The following OPTC variants were observed in gnomAD, a reference collection of about 807,000 sequenced individuals.
OPTC encodes opticin.
A neutral mutation model predicts 25.4 loss-of-function variants in OPTC; 22 were observed. The observed-to-expected ratio is 0.87, with a 90% CI of 0.62 to 1.24. The LOEUF (loss-of-function observed/expected upper bound fraction) is 1.24, where lower values mean the gene tolerates loss of function less well. OPTC is among the 50% of genes most tolerant of loss of function. The pLI is 0.00. For missense variants in OPTC, 417 were observed against 425.2 expected, an observed-to-expected ratio of 0.98 and a Z score of 0.17; for synonymous variants, 169 against 179.3, an observed-to-expected ratio of 0.94 and a Z score of 0.46.
chr1:203,508,437 A>G (rs1661533497), intron 7 of OPTC, among the ~76,000 whole-genome samples: 1 of 152,102 alleles, frequency 6.6e-6, no homozygotes, highest in Non-Finnish European at 1.5e-5. Flanking sequence ...ACGGCCCCCC[A>G]TCTCTGCCGC....
At chr1:203,508,251 C>A (rs1273958292) in intron 7 of OPTC, among the ~76,000 whole-genome samples, 5 of 152,174 alleles carry the variant, frequency 3.3e-5, no homozygotes, top group Non-Finnish European at 7.3e-5. Flanking sequence ...CACGTCCCCC[C>A]AAAATGCTTT....
At chr1:203,499,356 G>T (rs1661336631) in intron 4 of OPTC, among the ~76,000 whole-genome samples, 1 of 152,118 alleles carries the variant, frequency 6.6e-6, no homozygotes, top group Admixed American at 6.5e-5. Flanking sequence ...TGGATCCAGG[G>T]ATTCCTGGGC....
intron 1 of OPTC, among the ~76,000 whole-genome samples, chr1:203,494,584 G>C (rs573926723): frequency 1.3e-5 from 2 of 152,270 alleles, no homozygotes; most frequent in East Asian, 3.9e-4. Flanking sequence ...AGGAGGTTAA[G>C]GCTTCAGTGA....
Position 203,503,573 on chromosome 1 carries a change from G to T in OPTC, c.852G>T (p.Gln284His). 6.2e-7 allele frequency: 1 copy of T among 1,613,680 alleles called. No individual in the cohort carries two copies. Among genetic ancestry groups the T allele is most frequent in the Non-Finnish European group, 8.5e-7 (1 of 1,180,032 alleles). The change falls in exon 7 of 8, where the codon CAG (glutamine) becomes CAT (histidine). Residue 284 changes from glutamine to histidine, a missense_variant. Gln to His is a conservative substitution (Grantham distance 24, BLOSUM62 0). Coordinates refer to ENST00000367222, the MANE Select transcript of OPTC (RefSeq NM_014359.4). ...HLQNNLIETM[Q>H]RDVFCDPEEH... ...AGAATAACCTGATAGAGACCATGCAGAGAGACGTCTTCTGTGACCCCGAGG... is the reference window on the plus strand; with the variant it reads ...AGAATAACCTGATAGAGACCATGCATAGAGACGTCTTCTGTGACCCCGAGG...
rs891761148 is a variant in OPTC at position 203,506,651 on chromosome 1, A to T, written c.*26-1995A>T. On this transcript the variant is annotated intron_variant, in intron 7 of 7. Coordinates refer to ENST00000367222, the MANE Select transcript of OPTC (RefSeq NM_014359.4). ...GACTCCTGGAGTTTGCCAGACCTAT[A>T]ATAGAAGCTTTTCTGTGCATCAACT... Among the ~76,000 whole-genome samples, 57 of 152,116 alleles carry T rather than the reference A, an allele frequency of 3.7e-4. 1 individual carries two copies. The highest frequency in any genetic ancestry group is 1.2e-3 in the African/African-American group (51 of 41,406).
At chr1:203,494,665 A>T (rs1008454180) in intron 1 of OPTC, among the ~76,000 whole-genome samples, 2 of 152,202 alleles carry the variant, frequency 1.3e-5, no homozygotes, top group African/African-American at 2.4e-5. Context: ...AAAATAAAAT[A>T]AAAATTAAAA....
chr1:203,500,953 G>T (rs1202509085), intron 5 of OPTC, among the ~76,000 whole-genome samples: 1 of 152,286 alleles, frequency 6.6e-6, no homozygotes, highest in South Asian at 2.1e-4. Flanking sequence ...ACACTCACAG[G>T]TTCTGCTCCC....
At position 203,495,025 on chromosome 1, in the gene OPTC, G is replaced by A. The variant is rs1661255387; in HGVS notation, c.-42+808G>A. On this transcript the variant is annotated intron_variant, in intron 1 of 7. Transcript: ENST00000367222. ...TGTTTCTAAAAAGCTGCATTTAGAA[G>A]TATATTTCATAAACTAACATTCTTT... Among the ~76,000 whole-genome samples the A allele has an allele frequency of 1.3e-5, 2 of 152,218 alleles. 1 individual carries two copies. Among genetic ancestry groups the A allele is most frequent in the South Asian group, 4.1e-4 (2 of 4,834 alleles).
intron 7 of OPTC, among the ~76,000 whole-genome samples, chr1:203,506,647 C>T (rs763882907): frequency 6.6e-6 from 1 of 152,114 alleles, no homozygotes; most frequent in Non-Finnish European, 1.5e-5. Context: ...TTTGCCAGAC[C>T]TATAATAGAA....
intron 7 of OPTC, among the ~76,000 whole-genome samples, chr1:203,505,846 G>A (rs1661472406): frequency 6.6e-6 from 1 of 152,180 alleles, no homozygotes; most frequent in Non-Finnish European, 1.5e-5. Context: ...TTTCAGAGCA[G>A]CAGAGCTGTC....
rs375920047 is a variant in OPTC, at chr1:203,499,798, G to A, written c.679G>A (p.Asp227Asn). Residue 227 changes from aspartate (D) to asparagine (N), a missense_variant, in exon 5 of 8, where the codon GAT becomes AAT. Coordinates refer to ENST00000367222, the MANE Select transcript of OPTC (RefSeq NM_014359.4). The part of the protein sequence containing the change: ...PVLPSGIEFL[D>N]VRLNRLQSSG... Reference sequence around the variant, plus strand: ...GCTGCCCAGTGGCATTGAGTTCCTGGATGTCCGCCTAAATCGGCTCCAGAG... The same window carrying A: ...GCTGCCCAGTGGCATTGAGTTCCTGAATGTCCGCCTAAATCGGCTCCAGAG... The A allele has an allele frequency of 2.6e-5, 42 of 1,612,564 alleles. No homozygotes were observed. The African/African-American group carries it at 5.1e-4, about 20-fold the overall frequency.
At chr1:203,497,343 T>A (rs1039271842) in intron 3 of OPTC, among the ~76,000 whole-genome samples, 1 of 152,126 alleles carries the variant, frequency 6.6e-6, no homozygotes, top group Non-Finnish European at 1.5e-5. Flanking sequence ...ATGTACAAGT[T>A]GAGTAAGAAG....
rs1351980347 is a variant in OPTC, at chr1:203,498,738, T to C, written c.428T>C (p.Ile143Thr). 3 of 1,614,192 alleles carry C rather than the reference T, an allele frequency of 1.9e-6. No homozygotes were observed. ...GGTTCCTCTGTGTATTGCGATGACA[T>C]TGACCTAGAGGACATTCCTCCTCTT... ...CLGSSVYCDD[I>T]DLEDIPPLPR... Residue 143 changes from isoleucine (I) to threonine (T), a missense_variant, in exon 4 of 8, where the codon ATT becomes ACT. Transcript: ENST00000367222.
chr1:203,498,812 A>T lies in OPTC; in HGVS notation c.502A>T (p.Ile168Phe), dbSNP rs1325471736. The T allele has an allele frequency of 1.1e-5, 18 of 1,613,936 alleles. No homozygotes were observed. Among genetic ancestry groups the T allele is most frequent in the Non-Finnish European group, 1.4e-5 (17 of 1,180,036 alleles). ...LYARFNRISR[I>F]RAEDFKGLTK... ...TGCACGCTTCAACCGCATCAGCCGT[A>T]TCAGGGCCGAAGACTTCAAAGGGCT... is the stretch of plus-strand genomic sequence containing the variant. The change falls in exon 4 of 8, where the codon ATC (isoleucine) becomes TTC (phenylalanine). Residue 168 changes from isoleucine to phenylalanine, a missense_variant. Transcript: ENST00000367222.
At chr1:203,496,698 G>A (rs1197625092) in intron 2 of OPTC, among the ~76,000 whole-genome samples, 1 of 152,014 alleles carries the variant, frequency 6.6e-6, no homozygotes, top group Non-Finnish European at 1.5e-5. Context: ...TGGGAAATCG[G>A]GAGAGCAGGT....
At chr1:203,495,531 AC>A (rs1369125949) in intron 1 of OPTC, among the ~76,000 whole-genome samples, 1 of 152,148 alleles carries the variant, frequency 6.6e-6, no homozygotes, top group East Asian at 1.9e-4. Flanking sequence ...AAACAAACAA[AC>A]AAAAAGACCC....
intron 2 of OPTC, 96 bp from the exon 3 acceptor site, chr1:203,496,881 C>G: frequency 5.3e-6 from 7 of 1,313,106 alleles, no homozygotes; most frequent in Non-Finnish European, 6.6e-6. Context: ...TGACTCTTTG[C>G]TGGTTTGAAA....
In OPTC at chr1:203,498,830, A is replaced by C; in HGVS notation, c.520A>C (p.Lys174Gln). 1 of 1,613,934 alleles carries C rather than the reference A, an allele frequency of 6.2e-7. No homozygotes were observed. Among genetic ancestry groups the C allele is most frequent in the Non-Finnish European group, 8.5e-7 (1 of 1,180,002 alleles). Residue 174 changes from lysine to glutamine, a missense_variant, in exon 4 of 8, where the codon AAA (lysine) becomes CAA (glutamine). Transcript: ENST00000367222. Reference sequence around the variant, plus strand: ...CAGCCGTATCAGGGCCGAAGACTTCAAAGGGCTGAGTATGTAATGCCCTGG... The same window carrying C: ...CAGCCGTATCAGGGCCGAAGACTTCCAAGGGCTGAGTATGTAATGCCCTGG... Reference protein sequence around the residue: ...RISRIRAEDFKGLTKLKRIDL... With the variant: ...RISRIRAEDFQGLTKLKRIDL...
intron 5 of OPTC, 41 bp from the exon 6 acceptor site, chr1:203,502,873 C>A (rs765066463): frequency 2.0e-6 from 3 of 1,487,138 alleles, no homozygotes; most frequent in Non-Finnish European, 2.8e-6. Context: ...CAGGGTCCAA[C>A]AGGACCCACC....
Sources: gnomAD v4.1 joint callset for allele counts (sites outside exome capture counted in the v4.1 genomes callset) on GRCh38, gnomAD v4.1.1 for gene constraint, MANE v1.5 for transcripts, NCBI Gene and HGNC (gene_info 2026-07-23, HGNC 2026-07-21) for gene names.